Variants in EP300 observed in about 807,000 individuals in gnomAD.
The protein encoded by EP300 is histone acetyltransferase p300.
In EP300, 31 loss-of-function variants were observed where a neutral mutation model predicts 264.0. The observed-to-expected ratio is 0.12, with a 90% CI of 0.09 to 0.16. The LOEUF (loss-of-function observed/expected upper bound fraction) is 0.16, where lower values mean the gene tolerates loss of function less well. Among genes scored for constraint, EP300 ranks in the 10% least tolerant of loss-of-function variants. EP300 has a pLI of 1.00. For missense variants in EP300, 2,766 were observed against 3,052.9 expected (o/e 0.91, Z 2.21); for synonymous variants, 1,340 against 1,045.4 (o/e 1.28, Z -5.44).
intron 1 of EP300, among the ~76,000 whole-genome samples, chr22:41,103,970 A>G (rs140794365): frequency 2.7e-5 from 4 of 149,006 alleles, no homozygotes; most frequent in Admixed American, 6.9e-5. Flanking sequence ...TTCAAGATCC[A>G]TGCTTGGTTT....
chr22:41,162,519 G>A (rs562757078), intron 20 of EP300, among the ~76,000 whole-genome samples: 1 of 152,192 alleles, frequency 6.6e-6, no homozygotes, highest in Non-Finnish European at 1.5e-5. Context: ...CTGATAAGAG[G>A]AAATTTATTT....
chr22:41,111,261 C>G (rs929116579), intron 1 of EP300, among the ~76,000 whole-genome samples: 1 of 152,192 alleles, frequency 6.6e-6, no homozygotes, highest in Non-Finnish European at 1.5e-5. Context: ...CAGGCGTGAG[C>G]CACTGTGCCC....
At chr22:41,171,960 T>C (rs1374318163) in intron 27 of EP300, among the ~76,000 whole-genome samples, 2 of 152,172 alleles carry the variant, frequency 1.3e-5, no homozygotes, top group Non-Finnish European at 2.9e-5. Flanking sequence ...TAAATATAGG[T>C]TGTCTCATGA....
chr22:41,147,463 T>C (rs2059017657), intron 11 of EP300, among the ~76,000 whole-genome samples: 1 of 151,060 alleles, frequency 6.6e-6, no homozygotes, highest in Non-Finnish European at 1.5e-5. Context: ...CAGGGCCAGG[T>C]GCGGTGGCTC....
At chr22:41,160,512 C>A in intron 19 of EP300, 130 bp from the exon 20 acceptor site, 1 of 754,076 alleles carries the variant, frequency 1.3e-6, no homozygotes, top group Non-Finnish European at 2.4e-6. Context: ...ATGTCCTTGT[C>A]GCCGTTGATG....
intron 5 of EP300, among the ~76,000 whole-genome samples, chr22:41,130,848 A>G (rs2058914897): frequency 6.6e-6 from 1 of 152,106 alleles, no homozygotes; most frequent in Non-Finnish European, 1.5e-5. Flanking sequence ...ACACTTTAAA[A>G]TTGTAACTAC....
At chr22:41,176,564 C>G (rs376408346) in intron 30 of EP300, 36 bp downstream of exon 30, 8 of 1,612,714 alleles carry the variant, frequency 5.0e-6, no homozygotes, top group Non-Finnish European at 5.9e-6. Context: ...GAGGTGAGCT[C>G]CGCAGGGTTG....
rs567490636 is a variant in EP300, at chr22:41,129,873, T to C, written c.1169-17T>C. On this transcript the variant is annotated splice_polypyrimidine_tract_variant and intron_variant, in intron 4 of 30. Coordinates refer to ENST00000263253, the MANE Select transcript of EP300 (RefSeq NM_001429.4). ...ACATTAACCTGCTCTTGAAAAAATA[T>C]GTTTTCTTCTCTTTAGTGGCACACT... The C allele has an allele frequency of 1.3e-5, 21 of 1,598,636 alleles. No individual in the cohort carries two copies. The highest frequency in any genetic ancestry group is 1.7e-4 in the Middle Eastern group (1 of 6,034).
At chr22:41,108,712 C>G (rs2058772014) in intron 1 of EP300, among the ~76,000 whole-genome samples, 1 of 152,144 alleles carries the variant, frequency 6.6e-6, no homozygotes, top group Non-Finnish European at 1.5e-5. Context: ...ATTGGAGCAT[C>G]ATTAAAGGCA....
chr22:41,095,232 A>ATTTTTTTTT lies in EP300; in HGVS notation c.94+2151_94+2159dup, dbSNP rs66515117. On this transcript the variant is annotated intron_variant, in intron 1 of 30. Transcript: ENST00000263253. ...TTACTTCAAGTTGGGTACCATTGTA[A>ATTTTTTTTT]TTTTTTTTTTTTTTTTTTTTTTTTT... 2.9e-4 allele frequency among the ~76,000 whole-genome samples: 23 copies of ATTTTTTTTT among 80,240 alleles called. 1 individual carries two copies. Among genetic ancestry groups the ATTTTTTTTT allele is most frequent in the African/African-American group, 3.8e-4 (7 of 18,266 alleles). The allele number at this position is 80,240 out of a possible 152,430, so 52.6% of individuals were successfully genotyped here. A position where few individuals can be genotyped will look rare whatever the true frequency, so the allele number is the denominator to read the frequency against.
rs185953056 is a variant in EP300, at chr22:41,169,774, A to G, written c.4286+158A>G. Among the ~76,000 whole-genome samples, 539 of 152,268 alleles carry G rather than the reference A, an allele frequency of 3.5e-3. 1 individual carries two copies. The highest frequency in any genetic ancestry group is 8.3e-3 in the South Asian group (40 of 4,824). ...ACTTTGTTGGAGCCCCTTTGAAGTT[A>G]ATGTCAGTAGAGAGAAATGGATATG... is the stretch of plus-strand genomic sequence containing the variant. On this transcript the variant is annotated intron_variant, in intron 26 of 30. Transcript: ENST00000263253.
chr22:41,179,511 GTTCATTC>G lies in EP300; in HGVS notation c.*558_*564del. 6.0e-6 allele frequency: 1 copy of G among 166,344 alleles called. No homozygotes were observed. The highest frequency in any genetic ancestry group is 1.2e-5 in the Non-Finnish European group (1 of 81,950). The allele number at this position is 166,344 out of a possible 1,614,324, so 10.3% of individuals were successfully genotyped here. On this transcript the variant is annotated 3_prime_UTR_variant, in exon 31 of 31. Transcript: ENST00000263253. ...GTTTTTTTTCTCTGGGTGCAAAGATGTTCATTCTTTTAAAAAATGTTTAAAAAAAAAA... is the reference window on the plus strand; with the variant it reads ...GTTTTTTTTCTCTGGGTGCAAAGATGTTTTAAAAAATGTTTAAAAAAAAAA...
chr22:41,161,597 A>T (rs1330118175), intron 20 of EP300, among the ~76,000 whole-genome samples: 1 of 152,206 alleles, frequency 6.6e-6, no homozygotes, highest in Non-Finnish European at 1.5e-5. Context: ...AGCCTGGGCG[A>T]CAGAGCGAGA....
intron 19 of EP300, 169 bp from the exon 20 acceptor site, chr22:41,160,473 C>A: frequency 7.4e-6 from 4 of 537,288 alleles, no homozygotes; most frequent in South Asian, 4.8e-5. Flanking sequence ...AAAACCCAAA[C>A]TGTGGGGCCC....
Position 41,178,373 on chromosome 22 carries a change from CACA to C in EP300, c.6663_6665del (p.Gln2225del), listed in dbSNP as rs2059216009. On this transcript the variant is annotated inframe_deletion, in exon 31 of 31. Transcript: ENST00000263253. ...CAACCCCAAGGAGTTGGCTACCCAC[CACA>C]GCAGCAGCAGCGGATGCAGCATCAC... 1 of 1,614,144 alleles carries C rather than the reference CACA, an allele frequency of 6.2e-7. No individual in the cohort carries two copies. Among genetic ancestry groups the C allele is most frequent in the Non-Finnish European group, 8.5e-7 (1 of 1,180,030 alleles).
At chr22:41,116,665 A>G (rs893832905) in intron 1 of EP300, among the ~76,000 whole-genome samples, 3 of 151,992 alleles carry the variant, frequency 2.0e-5, no homozygotes, top group Non-Finnish European at 2.9e-5. Context: ...TTTTAGGTAT[A>G]GTTCTTAAGT....
chr22:41,177,443 CTCA>C lies in EP300; in HGVS notation c.5733_5735del (p.Gln1912del). ...GGCCAGGTGACCCCTCCAACCCCTCCTCAGACTGCTCAGCCACCCCTTCCAGGG... is the reference window on the plus strand; with the variant it reads ...GGCCAGGTGACCCCTCCAACCCCTCCGACTGCTCAGCCACCCCTTCCAGGG... On this transcript the variant is annotated inframe_deletion, in exon 31 of 31. Transcript: ENST00000263253. 2 of 1,614,212 alleles carry C rather than the reference CTCA, an allele frequency of 1.2e-6. No homozygotes were observed. The highest frequency in any genetic ancestry group is 8.5e-7 in the Non-Finnish European group (1 of 1,180,054).
chr22:41,100,399 T>TA (rs1435044932), intron 1 of EP300, among the ~76,000 whole-genome samples: 3 of 152,168 alleles, frequency 2.0e-5, no homozygotes, highest in African/African-American at 7.2e-5. Context: ...AGAGGAGTCT[T>TA]AAGAGTAAGC....
chr22:41,099,061 GTTGT>G (rs2058717108), intron 1 of EP300, among the ~76,000 whole-genome samples: 1 of 152,018 alleles, frequency 6.6e-6, no homozygotes, highest in Non-Finnish European at 1.5e-5. Flanking sequence ...TGGTTTGGGG[GTTGT>G]TTTTGTTTTT....
Sources: allele counts gnomAD v4.1 joint callset (sites outside exome capture counted in the v4.1 genomes callset), GRCh38; gene constraint gnomAD v4.1.1; transcripts MANE v1.5; gene names NCBI Gene and HGNC (gene_info 2026-07-23, HGNC 2026-07-21).